Variants in CACNA1A observed in about 807,000 individuals in gnomAD.
The protein encoded by CACNA1A is calcium voltage-gated channel subunit alpha1 A, also known as voltage-dependent P/Q-type calcium channel subunit alpha-1A.
In CACNA1A, 57 loss-of-function variants were observed where a neutral mutation model predicts 262.4. That is an observed-to-expected ratio of 0.22 (90% CI 0.18 to 0.27). CACNA1A has a LOEUF of 0.27. Ranked by LOEUF, CACNA1A falls within the 10% of genes least tolerant of loss-of-function variation. The pLI is 1.00. For synonymous variants in CACNA1A, 1,431 were observed against 1,419.3 expected, an observed-to-expected ratio of 1.01 and a Z score of -0.18; for missense variants, 2,526 against 3,562.8, an observed-to-expected ratio of 0.71 and a Z score of 7.41.
chr19:13,308,313 C>T lies in CACNA1A; in HGVS notation c.1782-62G>A, dbSNP rs2057950157. The T allele has an allele frequency of 6.3e-7, 1 of 1,576,856 alleles. No homozygotes were observed. Among genetic ancestry groups the T allele is most frequent in the Non-Finnish European group, 8.6e-7 (1 of 1,159,062 alleles). ...GGGGGAGGCAGGGCCCCGGAGTCAG[C>T]CCTCGAAACACGAGGCTCACTTTCC... On this transcript the variant is annotated intron_variant, in intron 13 of 46. Coordinates refer to ENST00000360228, the MANE Select transcript of CACNA1A (RefSeq NM_001127222.2). The surrounding 1 kb of genome is among the most constrained non-coding windows in gnomAD (Gnocchi z 4.2).
chr19:13,476,676 T>C (rs761899783), intron 1 of CACNA1A, among the ~76,000 whole-genome samples: 3 of 152,090 alleles, frequency 2.0e-5, no homozygotes, highest in Non-Finnish European at 2.9e-5. Context: ...TGCTGTGGAA[T>C]TGCACACCTC....
At chr19:13,418,716 C>T (rs931380537) in intron 3 of CACNA1A, among the ~76,000 whole-genome samples, 5 of 152,166 alleles carry the variant, frequency 3.3e-5, no homozygotes, top group Non-Finnish European at 5.9e-5. Context: ...GACCTATGGC[C>T]TCCAAAACAG....
intron 3 of CACNA1A, among the ~76,000 whole-genome samples, chr19:13,427,805 A>G: frequency 6.6e-6 from 1 of 151,946 alleles, no homozygotes; most frequent in East Asian, 1.9e-4. Context: ...AAACAAACAA[A>G]CATACACACA....
chr19:13,227,547 A>G lies in CACNA1A; in HGVS notation c.5529-20T>C. ...CGGCCCCTGGCAGCACCGAAAATGA[A>G]AAAAACAAAAACAAAAACAAAAAAA... is the stretch of plus-strand genomic sequence containing the variant. On this transcript the variant is annotated intron_variant, in intron 36 of 46. Transcript: ENST00000360228. 2.0e-6 allele frequency: 3 copies of G among 1,496,714 alleles called. No individual in the cohort carries two copies. The highest frequency in any genetic ancestry group is 1.8e-4 in the Middle Eastern group (1 of 5,648). 92.7% of individuals were successfully genotyped at this position (1,496,714 alleles called of 1,614,324 possible).
chr19:13,334,516 G>C (rs763754782), intron 7 of CACNA1A, 23 bp from the exon 8 acceptor site: 1 of 1,266,438 alleles, frequency 7.9e-7, no homozygotes, highest in African/African-American at 1.5e-5. Context: ...AGAAAAGCCA[G>C]AGTATGGCTG....
rs2056676552 is a variant in CACNA1A, at chr19:13,259,690, A to T, written c.4262T>A (p.Leu1421His). The part of the protein sequence containing the change: ...EFEKDCRGKY[L>H]LYEKNEVKAR... ...CTTCACCTCATTCTTCTCGTAGAGGAGGTATTTGCCTCTGCCACAGAGAGT... is the reference window on the plus strand; with the variant it reads ...CTTCACCTCATTCTTCTCGTAGAGGTGGTATTTGCCTCTGCCACAGAGAGT... The change falls in exon 27 of 47, where the codon CTC becomes CAC. Residue 1421 changes from leucine to histidine, a missense_variant. Leu to His is a moderately conservative substitution (Grantham distance 99, BLOSUM62 -3). Around this residue, in one of 17 missense-constraint regions of CACNA1A, gnomAD observed 137 missense variants for 377.7 expected, o/e 0.36. Coordinates refer to ENST00000360228, the MANE Select transcript of CACNA1A (RefSeq NM_001127222.2). 6.2e-7 allele frequency: 1 copy of T among 1,611,072 alleles called. No individual in the cohort carries two copies. The highest frequency in any genetic ancestry group is 1.3e-5 in the African/African-American group (1 of 74,784).
chr19:13,502,612 C>T (rs999544606), intron 1 of CACNA1A, among the ~76,000 whole-genome samples: 10 of 152,130 alleles, frequency 6.6e-5, no homozygotes, highest in East Asian at 3.8e-4. Context: ...GTGGTCAAGA[C>T]GGCTTGCTGC....
intron 1 of CACNA1A, among the ~76,000 whole-genome samples, chr19:13,455,429 C>T (rs190364008): frequency 2.6e-5 from 4 of 152,288 alleles, no homozygotes; most frequent in Non-Finnish European, 5.9e-5. Context: ...TATTCACCTT[C>T]TATCTCACCC....
At chr19:13,409,197 G>C (rs559143683) in intron 3 of CACNA1A, among the ~76,000 whole-genome samples, 1 of 152,162 alleles carries the variant, frequency 6.6e-6, no homozygotes, top group Non-Finnish European at 1.5e-5. Flanking sequence ...AGTATTGGCC[G>C]TGGGGTACGG....
intron 11 of CACNA1A, 32 bp from the exon 12 acceptor site, chr19:13,312,813 G>C: frequency 2.0e-5 from 24 of 1,173,638 alleles, no homozygotes; most frequent in Non-Finnish European, 2.8e-5. Flanking sequence ...CAGAGAGGAG[G>C]TTAGGCTTGC....
At chr19:13,227,199 A>G (rs1347737199) in intron 37 of CACNA1A, 1 of 299,736 alleles carries the variant, frequency 3.3e-6, no homozygotes, top group Non-Finnish European at 6.2e-6. Flanking sequence ...GGAGTCTCAA[A>G]ACACGAAGAC....
intron 1 of CACNA1A, among the ~76,000 whole-genome samples, chr19:13,499,187 G>C (rs746743027): frequency 3.3e-5 from 5 of 152,064 alleles, no homozygotes; most frequent in African/African-American, 1.2e-4. Flanking sequence ...GACAGGGAGT[G>C]CAAAAGGGGA....
rs751530649 is a variant in CACNA1A, at chr19:13,318,890, C to CTTTTTTTTTTTTTTTTTTTTTTTT, written c.1346-1570_1346-1569insAAAAAAAAAAAAAAAAAAAAAAAA. Among the ~76,000 whole-genome samples the CTTTTTTTTTTTTTTTTTTTTTTTT allele has an allele frequency of 2.5e-3, 290 of 114,602 alleles. 31 individuals carry two copies. The highest frequency in any genetic ancestry group is 4.5e-3 in the African/African-American group (121 of 27,062). 75.2% of individuals were successfully genotyped at this position (114,602 alleles called of 152,430 possible). ...ATTGAATTTACCTTCTAAAATACAT[C>CTTTTTTTTTTTTTTTTTTTTTTTT]TTTTTTTTTTTTTTTTGAGACAGGA... is the stretch of plus-strand genomic sequence containing the variant. On this transcript the variant is annotated intron_variant, in intron 10 of 46. Transcript: ENST00000360228.
chr19:13,217,762 A>G (rs2055068569), intron 38 of CACNA1A, among the ~76,000 whole-genome samples: 1 of 152,118 alleles, frequency 6.6e-6, no homozygotes, highest in African/African-American at 2.4e-5. Flanking sequence ...GCTAAGCAGT[A>G]AGGACTAGCT....
At chr19:13,303,019 C>T (rs949354130) in intron 17 of CACNA1A, among the ~76,000 whole-genome samples, 6 of 152,130 alleles carry the variant, frequency 3.9e-5, no homozygotes, top group African/African-American at 1.4e-4. Context: ...CGGAGGCTAG[C>T]TCTTAACATG....
intron 4 of CACNA1A, 165 bp downstream of exon 4, chr19:13,371,523 A>G (rs941496174): frequency 5.0e-6 from 3 of 601,500 alleles, no homozygotes; most frequent in Non-Finnish European, 9.0e-6. Context: ...ATGGGGAGCT[A>G]CAGTCATATT....
chr19:13,222,770 C>T (rs1299836431), intron 38 of CACNA1A, among the ~76,000 whole-genome samples: 2 of 151,426 alleles, frequency 1.3e-5, no homozygotes, highest in African/African-American at 4.9e-5. Context: ...TCTTGGCTCA[C>T]TGCAACCTCT....
Position 13,230,122 on chromosome 19 carries a change from C to T in CACNA1A, c.5488G>A (p.Glu1830Lys), listed in dbSNP as rs746886324. The change falls in exon 36 of 47, where the codon GAG becomes AAG. Residue 1830 changes from glutamate (E) to lysine (K), a missense_variant. By Grantham distance (56) the Glu-to-Lys change is moderately conservative (BLOSUM62 1). Transcript: ENST00000360228. ...TACTCGGCCCAGACACGCACGTACT[C>T]ATCCAGGTGGTGGGGGCCCAGGATG... ...SSILGPHHLD[E>K]YVRVWAEYDP... 1 of 1,613,882 alleles carries T rather than the reference C, an allele frequency of 6.2e-7. No individual in the cohort carries two copies.
At chr19:13,334,521 T>C (rs1188818491) in intron 7 of CACNA1A, 28 bp from the exon 8 acceptor site, 1 of 1,224,202 alleles carries the variant, frequency 8.2e-7, no homozygotes, top group Non-Finnish European at 1.2e-6. Flanking sequence ...AGCCAGAGTA[T>C]GGCTGTTTTG....
Sources: allele counts gnomAD v4.1 joint callset (sites outside exome capture counted in the v4.1 genomes callset), GRCh38; gene constraint gnomAD v4.1.1; regional missense constraint gnomAD v4.1.1; non-coding constraint Gnocchi (gnomAD v3.1); transcripts MANE v1.5; gene names NCBI Gene and HGNC (gene_info 2026-07-23, HGNC 2026-07-21).